COL11A2: variants seen among roughly 807,000 people sequenced by gnomAD.
COL11A2 encodes collagen type XI alpha 2 chain, also known as collagen alpha-2(XI) chain.
COL11A2 carries 116 observed loss-of-function variants against 273.4 expected under a neutral mutation model. That is an observed-to-expected ratio of 0.42 (90% confidence interval 0.36 to 0.49). The LOEUF (loss-of-function observed/expected upper bound fraction) is 0.49, where lower values mean the gene tolerates loss of function less well. Among genes scored for constraint, COL11A2 ranks in the 20% least tolerant of loss-of-function variants. The probability of loss-of-function intolerance (pLI) is 0.00; values close to 1 mark genes in which losing one functional copy is unlikely to be tolerated. For synonymous variants in COL11A2, 782 were observed against 864.2 expected, an observed-to-expected ratio of 0.90 and a Z score of 1.67; for missense variants, 1,866 against 2,309.0, an observed-to-expected ratio of 0.81 and a Z score of 3.93.
chr6:33,186,733 C>T lies in COL11A2; in HGVS notation c.692G>A (p.Gly231Asp), dbSNP rs769697511. The change falls in exon 5 of 66, where the codon GGC (glycine) becomes GAC (aspartate). Residue 231 changes from glycine to aspartate, a missense_variant. Physicochemically the swap from Gly to Asp is moderately conservative, Grantham distance 94. Coordinates refer to ENST00000341947, the MANE Select transcript of COL11A2 (RefSeq NM_080680.3). ...CEQKELECEG[G>D]QRERPQNQQP... ...TTGGTTTTGGGGTCTTTCCCTCTGG[C>T]CCCCCTCGCATTCCAGCTCCTTCTG... 6.2e-6 allele frequency: 10 copies of T among 1,613,968 alleles called. No individual in the cohort carries two copies. In the Admixed American group the frequency reaches 1.3e-4, roughly 22 times the overall value.
chr6:33,180,307 G>C lies in COL11A2; in HGVS notation c.1310C>G (p.Pro437Arg). The C allele has an allele frequency of 6.2e-7, 1 of 1,612,952 alleles. No homozygotes were observed. ...ERGPPGRAGL[P>R]GSDGAPGPPG... ...AGGACCAGGAGCCCCATCTGATCCAGGGAGCCCTGCTCGGCCAGGGGGGCC... is the reference window on the plus strand; with the variant it reads ...AGGACCAGGAGCCCCATCTGATCCACGGAGCCCTGCTCGGCCAGGGGGGCC... Residue 437 changes from proline (P) to arginine (R), a missense_variant, in exon 12 of 66, where the codon CCT becomes CGT. Physicochemically the swap from Pro to Arg is moderately radical, Grantham distance 103. Transcript: ENST00000341947.
At position 33,192,336 on chromosome 6, in the gene COL11A2, C is replaced by T. The variant is rs1773235657; in HGVS notation, c.-96G>A. ...CAGAAGACAGGGAGCAGACTATGAG[C>T]CTCAGACGCCGGGGTCCCAGGGAGG... On this transcript the variant is annotated 5_prime_UTR_variant, in exon 1 of 66. Coordinates refer to ENST00000341947, the MANE Select transcript of COL11A2 (RefSeq NM_080680.3). 4.9e-6 allele frequency: 6 copies of T among 1,214,942 alleles called. No homozygotes were observed. In the Admixed American group the frequency reaches 9.9e-5, roughly 20 times the overall value. 75.3% of individuals were successfully genotyped at this position (1,214,942 alleles called of 1,614,324 possible).
In COL11A2 at chr6:33,173,505, G is replaced by T. The variant is rs1161525466; in HGVS notation, c.2679C>A (p.Pro893=). The change falls in exon 36 of 66, where the codon CCC becomes CCA. Residue 893 remains proline, a synonymous_variant. Coordinates refer to ENST00000341947, the MANE Select transcript of COL11A2 (RefSeq NM_080680.3). The surrounding 1 kb of genome is among the most constrained non-coding windows in gnomAD (Gnocchi z 6.3). ...GPNGFPGPKG[P]PGPPGKDGLP... Reference sequence around the variant, plus strand: ...TCAGAGCTCGGGGTCAACTTACCGGGGGTCCTTTCGGTCCAGGAAACCCGT... The same window carrying T: ...TCAGAGCTCGGGGTCAACTTACCGGTGGTCCTTTCGGTCCAGGAAACCCGT... 4 of 1,611,864 alleles carry T rather than the reference G, an allele frequency of 2.5e-6. No homozygotes were observed. The highest frequency in any genetic ancestry group is 2.7e-5 in the African/African-American group (2 of 74,626).
Position 33,171,458 on chromosome 6 carries a change from T to C in COL11A2, c.3258+9A>G, listed in dbSNP as rs1443460992. 1 of 1,610,476 alleles carries C rather than the reference T, an allele frequency of 6.2e-7. No individual in the cohort carries two copies. Among genetic ancestry groups the C allele is most frequent in the African/African-American group, 1.4e-5 (1 of 73,748 alleles). On this transcript the variant is annotated intron_variant, in intron 43 of 65. Transcript: ENST00000341947. ...AGAAGATTGGTCGGGGTCTGTGGGG[T>C]CCCCTCACCTTGTCTCCATCCTCTC...
Position 33,189,543 on chromosome 6 carries a change from A to G in COL11A2, c.83-74T>C. 5 of 1,587,366 alleles carry G rather than the reference A, an allele frequency of 3.1e-6. No homozygotes were observed. Among genetic ancestry groups the G allele is most frequent in the East Asian group, 2.3e-5 (1 of 44,340 alleles). On this transcript the variant is annotated intron_variant, in intron 1 of 65. Transcript: ENST00000341947. The surrounding 1 kb of genome is among the most constrained non-coding windows in gnomAD (Gnocchi z 5.6). ...CATAAATAGGGGACATTTGGGATCT[A>G]GAACTCAGCTTTCCAGGGCTCAAAC...
chr6:33,193,431 C>G (rs1043668469), upstream of COL11A2, among the ~76,000 whole-genome samples: 1 of 143,254 alleles, frequency 7.0e-6, no homozygotes, highest in African/African-American at 2.6e-5. Flanking sequence ...CTCCCCCCCT[C>G]CCCGACAAAG....
rs575638692 is a variant in COL11A2 at position 33,176,992 on chromosome 6, C to A, written c.2070G>T (p.Pro690=). The A allele has an allele frequency of 6.2e-7, 1 of 1,610,758 alleles. No homozygotes were observed. The highest frequency in any genetic ancestry group is 1.7e-5 in the Admixed American group (1 of 59,620). Residue 690 remains proline, a splice_region_variant and synonymous_variant, in exon 25 of 66, where the codon CCG becomes CCT. Transcript: ENST00000341947. This position sits in a 1 kb window ranked among gnomAD's most constrained non-coding sequence, Gnocchi z 4.9. ...LPGMPGSDGP[P]GHPGKEGPPG... is the part of the protein sequence containing the mutation. ...GATTCGGAAGTGGGGTCCCACTCAC[C>A]GGGGGTCCGTCTGAGCCAGGCATGC...
At position 33,180,660 on chromosome 6, in the gene COL11A2, C is replaced by T. The variant is rs1161495896; in HGVS notation, c.1284+8G>A. 1.0e-5 allele frequency: 16 copies of T among 1,603,264 alleles called. No homozygotes were observed. Among genetic ancestry groups the T allele is most frequent in the Non-Finnish European group, 1.3e-5 (15 of 1,175,336 alleles). Reference sequence around the variant, plus strand: ...AGCTCCCCCGTCACATGGAGGACACCCCCTTACCCTCTCTCCAGGGTCTCC... The same window carrying T: ...AGCTCCCCCGTCACATGGAGGACACTCCCTTACCCTCTCTCCAGGGTCTCC... On this transcript the variant is annotated splice_region_variant and intron_variant, in intron 11 of 65. Coordinates refer to ENST00000341947, the MANE Select transcript of COL11A2 (RefSeq NM_080680.3).
rs1772069725 is a variant in COL11A2 at position 33,184,146 on chromosome 6, G to A, written c.1118C>T (p.Ala373Val). The A allele has an allele frequency of 1.5e-6, 2 of 1,367,086 alleles. No homozygotes were observed. The highest frequency in any genetic ancestry group is 1.5e-5 in the African/African-American group (1 of 67,728). The allele number at this position is 1,367,086 out of a possible 1,614,324, so 84.7% of individuals were successfully genotyped here. Residue 373 changes from alanine (A) to valine (V), a missense_variant and splice_region_variant, in exon 8 of 66, where the codon GCC becomes GTC. By Grantham distance (64) the Ala-to-Val change is moderately conservative. Coordinates refer to ENST00000341947, the MANE Select transcript of COL11A2 (RefSeq NM_080680.3). ...GAAAGAGAAGCTCCTTTCACTTACG[G>A]CTCCTGAGTGGGCTGTCTCCGCAGA... ...ALSAETAHSG[A>V]AAHGPRGLKG... is the part of the protein sequence containing the mutation.
At position 33,176,024 on chromosome 6, in the gene COL11A2, C is replaced by T; in HGVS notation, c.2260G>A (p.Gly754Ser). The change falls in exon 29 of 66, where the codon GGT becomes AGT. Residue 754 changes from glycine (G) to serine (S), a missense_variant. Coordinates refer to ENST00000341947, the MANE Select transcript of COL11A2 (RefSeq NM_080680.3). The surrounding 1 kb of genome is among the most constrained non-coding windows in gnomAD (Gnocchi z 4.9). Reference protein sequence around the residue: ...PGFKGDIGVKGDRGEVGVPGS... With the variant: ...PGFKGDIGVKSDRGEVGVPGS... ...GTGGGGTCTCTACTCACCCTGTCAC[C>T]TTTCACGCCTATGTCACCTTTGAAC... 1 of 1,613,076 alleles carries T rather than the reference C, an allele frequency of 6.2e-7. No individual in the cohort carries two copies.
rs777831866 is a variant in COL11A2 at position 33,179,412 on chromosome 6, G to A, written c.1503+19C>T. On this transcript the variant is annotated intron_variant, in intron 14 of 65. Coordinates refer to ENST00000341947, the MANE Select transcript of COL11A2 (RefSeq NM_080680.3). This position sits in a 1 kb window ranked among gnomAD's most constrained non-coding sequence, Gnocchi z 6.4. ...CACACAATTAAAGCATCCTCCACCC[G>A]AGCACCCTGCTCACTCACCAAGGGT... 3.3e-5 allele frequency: 51 copies of A among 1,568,078 alleles called. No homozygotes were observed. Among genetic ancestry groups the A allele is most frequent in the Admixed American group, 5.7e-5 (3 of 52,616 alleles).
chr6:33,171,906 C>T (rs956936003), intron 41 of COL11A2, 86 bp from the exon 42 acceptor site: 1 of 1,561,750 alleles, frequency 6.4e-7, no homozygotes. Context: ...CCCAAAAGCT[C>T]CCAAAATCAG....
Position 33,163,369 on chromosome 6 carries a change from C to T in COL11A2, c.*309G>A, listed in dbSNP as rs1221935081. The stretch of plus-strand genomic sequence containing the variant: ...AATTACTTTTAAATACAAAATACGC[C>T]ATGTCCTTTCTCTTCTCTTCCATTT... On this transcript the variant is annotated 3_prime_UTR_variant, in exon 66 of 66. Transcript: ENST00000341947. The surrounding 1 kb of genome is among the most constrained non-coding windows in gnomAD (Gnocchi z 4.1). The T allele has an allele frequency of 8.0e-6, 4 of 498,006 alleles. No homozygotes were observed. In the East Asian group the frequency reaches 9.5e-5, roughly 12 times the overall value. The allele number at this position is 498,006 out of a possible 1,614,324, so 30.8% of individuals were successfully genotyped here.
chr6:33,172,024 T>G (rs971861505), intron 41 of COL11A2, 26 bp downstream of exon 41: 1 of 1,611,112 alleles, frequency 6.2e-7, no homozygotes, highest in East Asian at 2.2e-5. Flanking sequence ...GGGTCCTTCC[T>G]ACCACTTCCG....
Position 33,170,944 on chromosome 6 carries a change from A to T in COL11A2, c.3367-27T>A. ...TGCAGGGTTGAGGGAAAGCAGAGACAAGGACACAGGGATGGGTCATGGGTC... is the reference window on the plus strand; with the variant it reads ...TGCAGGGTTGAGGGAAAGCAGAGACTAGGACACAGGGATGGGTCATGGGTC... On this transcript the variant is annotated intron_variant, in intron 45 of 65. Transcript: ENST00000341947. This position sits in a 1 kb window ranked among gnomAD's most constrained non-coding sequence, Gnocchi z 4.3. The T allele has an allele frequency of 6.3e-7, 1 of 1,592,644 alleles. No individual in the cohort carries two copies. Among genetic ancestry groups the T allele is most frequent in the East Asian group, 2.3e-5 (1 of 43,976 alleles).
chr6:33,170,947 G>C lies in COL11A2; in HGVS notation c.3367-30C>G. On this transcript the variant is annotated intron_variant, in intron 45 of 65. Transcript: ENST00000341947. The surrounding 1 kb of genome is among the most constrained non-coding windows in gnomAD (Gnocchi z 4.3). ...AGGGTTGAGGGAAAGCAGAGACAAG[G>C]ACACAGGGATGGGTCATGGGTCAGG... 6.3e-7 allele frequency: 1 copy of C among 1,584,438 alleles called. No homozygotes were observed. The highest frequency in any genetic ancestry group is 8.6e-7 in the Non-Finnish European group (1 of 1,168,946).
chr6:33,162,777 A>AC lies in COL11A2; in HGVS notation c.*900dup, dbSNP rs891315819. The AC allele has an allele frequency of 6.5e-6, 1 of 154,336 alleles. No homozygotes were observed. The highest frequency in any genetic ancestry group is 1.5e-5 in the Non-Finnish European group (1 of 68,240). 9.6% of individuals were successfully genotyped at this position (154,336 alleles called of 1,614,324 possible). A position where few individuals can be genotyped will look rare whatever the true frequency, so the allele number is the denominator to read the frequency against. On this transcript the variant is annotated 3_prime_UTR_variant, in exon 66 of 66. Coordinates refer to ENST00000341947, the MANE Select transcript of COL11A2 (RefSeq NM_080680.3). The surrounding 1 kb of genome is among the most constrained non-coding windows in gnomAD (Gnocchi z 4.9). The stretch of plus-strand genomic sequence containing the variant: ...CCTGGGAGTCCCTTCCATATGCCAC[A>AC]CATTAACCCTTTAATTGCAGGATCA...
At chr6:33,180,931 A>C (rs762492117) in intron 10 of COL11A2, 33 bp downstream of exon 10, 4 of 1,613,612 alleles carry the variant, frequency 2.5e-6, no homozygotes, top group Non-Finnish European at 3.4e-6. Context: ...GTTTCTAAGA[A>C]AAGAATGGCC....
chr6:33,185,884 C>T (rs2982268), intron 5 of COL11A2, 106 bp from the exon 6 acceptor site: 6 of 419,272 alleles, frequency 1.4e-5, no homozygotes, highest in African/African-American at 4.1e-5. Flanking sequence ...AGTTGGGAAA[C>T]GGGGGAGGTG....
Sources: allele counts gnomAD v4.1 joint callset (sites outside exome capture counted in the v4.1 genomes callset), GRCh38; gene constraint gnomAD v4.1.1; non-coding constraint Gnocchi (gnomAD v3.1); transcripts MANE v1.5; gene names NCBI Gene and HGNC (gene_info 2026-07-23, HGNC 2026-07-21).